The following VAC14 variants were observed in gnomAD, a reference collection of about 807,000 sequenced individuals.
The protein encoded by VAC14 is VAC14 component of PIKFYVE complex.
In VAC14, 47 loss-of-function variants were observed where a neutral mutation model predicts 85.3. That is an observed-to-expected ratio of 0.55 (90% CI 0.44 to 0.70). VAC14 has a LOEUF of 0.70. VAC14 is among the 30% of genes least tolerant of loss of function. The pLI is 0.00. For missense variants in VAC14, 861 were observed against 1,004.3 expected (o/e 0.86, Z 1.93); for synonymous variants, 447 against 430.5 (o/e 1.04, Z -0.47).
At chr16:70,790,586 C>G (rs576064707) in intron 1 of VAC14, among the ~76,000 whole-genome samples, 24 of 152,220 alleles carry the variant, frequency 1.6e-4, no homozygotes, top group Non-Finnish European at 2.2e-4. Flanking sequence ...AGGAAAGTGG[C>G]TCTGATGTCG....
intron 14 of VAC14, among the ~76,000 whole-genome samples, chr16:70,722,872 G>A (rs1362399018): frequency 6.6e-6 from 1 of 152,092 alleles, no homozygotes; most frequent in Non-Finnish European, 1.5e-5. Context: ...TTGAGCCCAG[G>A]AGTTCAAGAC....
chr16:70,695,122 T>G (rs1488193639), intron 17 of VAC14, among the ~76,000 whole-genome samples: 1 of 151,526 alleles, frequency 6.6e-6, no homozygotes, highest in Non-Finnish European at 1.5e-5. Context: ...TTTTTTTTTT[T>G]TTTTTCTGAG....
intron 14 of VAC14, among the ~76,000 whole-genome samples, chr16:70,719,731 G>C (rs113524214): frequency 6.6e-6 from 1 of 152,196 alleles, no homozygotes; most frequent in African/African-American, 2.4e-5. Context: ...CCAAGTGTTG[G>C]TGAGGACGTG....
Position 70,765,772 on chromosome 16 carries a change from C to A in VAC14, c.1161-2747G>T, listed in dbSNP as rs2032761119. 2.0e-5 allele frequency among the ~76,000 whole-genome samples: 3 copies of A among 152,272 alleles called. No individual in the cohort carries two copies. In the South Asian group the frequency reaches 6.2e-4, roughly 32 times the overall value. On this transcript the variant is annotated intron_variant, in intron 10 of 18. Coordinates refer to ENST00000261776, the MANE Select transcript of VAC14 (RefSeq NM_018052.5). ...GCTCCAGTGTGGACCAGCCCCTCTG[C>A]ACCCAGGGGATACCTGGCAGCTCCA...
intron 14 of VAC14, chr16:70,731,126 C>T (rs1356095808): frequency 6.9e-6 from 2 of 291,740 alleles, no homozygotes; most frequent in Non-Finnish European, 1.1e-5. Context: ...CTAAATCCCG[C>T]ACTGGGGGCT....
intron 1 of VAC14, among the ~76,000 whole-genome samples, chr16:70,789,818 C>A (rs1393859715): frequency 6.6e-6 from 1 of 152,188 alleles, no homozygotes; most frequent in African/African-American, 2.4e-5. Flanking sequence ...CCTCCCCACG[C>A]CTGCCCAGGA....
chr16:70,751,010 C>T (rs1292397616), intron 12 of VAC14, among the ~76,000 whole-genome samples: 1 of 152,298 alleles, frequency 6.6e-6, no homozygotes, highest in South Asian at 2.1e-4. Context: ...TCAGTCTCAA[C>T]TGAATAAATA....
intron 16 of VAC14, chr16:70,696,854 G>T (rs969896641): frequency 5.4e-6 from 2 of 368,324 alleles, no homozygotes; most frequent in African/African-American, 4.2e-5. Context: ...ATCACCCGCT[G>T]GCACCTGCCG....
At chr16:70,702,318 AAGCCTCCTCACG>A (rs755079000) in intron 14 of VAC14, among the ~76,000 whole-genome samples, 27 of 152,110 alleles carry the variant, frequency 1.8e-4, no homozygotes, top group Non-Finnish European at 3.4e-4. Flanking sequence ...TCTGGAGCAC[AAGCCTCCTCACG>A]AGGTGTCTCC....
In VAC14 at chr16:70,801,073, G is replaced by A. The variant is rs1317357920; in HGVS notation, c.-173C>T. ...GCCCTGGAACCCGGGCCCGGACCCC[G>A]CTCCAGCACACCTGACCCTGGCCGC... On this transcript the variant is annotated 5_prime_UTR_variant, in exon 1 of 19. Coordinates refer to ENST00000261776, the MANE Select transcript of VAC14 (RefSeq NM_018052.5). 2 of 478,980 alleles carry A rather than the reference G, an allele frequency of 4.2e-6. No individual in the cohort carries two copies. Among genetic ancestry groups the A allele is most frequent in the Admixed American group, 8.8e-5 (2 of 22,766 alleles). 29.7% of individuals were successfully genotyped at this position (478,980 alleles called of 1,614,324 possible).
At chr16:70,738,868 C>T (rs77723015) in intron 13 of VAC14, among the ~76,000 whole-genome samples, 2,692 of 152,290 alleles carry the variant, frequency 0.018, 76 homozygotes, top group African/African-American at 0.061. Flanking sequence ...CACTGGGCGA[C>T]GCTGAGGAGC....
At chr16:70,727,845 G>C (rs2054474951) in intron 14 of VAC14, among the ~76,000 whole-genome samples, 1 of 152,216 alleles carries the variant, frequency 6.6e-6, no homozygotes, top group Non-Finnish European at 1.5e-5. Flanking sequence ...TGGGTGGCTG[G>C]GCCTGCAACC....
At chr16:70,700,194 T>C (rs929847988) in intron 14 of VAC14, 1 of 151,884 alleles carries the variant, frequency 6.6e-6, no homozygotes, top group African/African-American at 2.4e-5. Context: ...CCCCAGAGCA[T>C]TTGGTAACAA....
chr16:70,775,815 T>C (rs771435880), intron 9 of VAC14, among the ~76,000 whole-genome samples: 3 of 152,254 alleles, frequency 2.0e-5, no homozygotes, highest in Non-Finnish European at 4.4e-5. Flanking sequence ...CTCAAATTAA[T>C]TTAGATTGTC....
intron 12 of VAC14, among the ~76,000 whole-genome samples, chr16:70,745,991 T>C (rs895070987): frequency 6.6e-6 from 1 of 152,214 alleles, no homozygotes; most frequent in East Asian, 1.9e-4. Flanking sequence ...GGGGTAATGG[T>C]TGCAAAAAGC....
rs559587698 is a variant in VAC14, at chr16:70,772,126, A to C, written c.1143T>G (p.Ser381Arg). The C allele has an allele frequency of 5.6e-6, 9 of 1,614,020 alleles. No homozygotes were observed. Among genetic ancestry groups the C allele is most frequent in the Non-Finnish European group, 7.6e-6 (9 of 1,180,046 alleles). ...CCACTTACCTGGCTGCAGTGAAGACACTGATGCCGCTACTGAAGCTGGAGT... is the reference window on the plus strand; with the variant it reads ...CCACTTACCTGGCTGCAGTGAAGACCCTGATGCCGCTACTGAAGCTGGAGT... ...SCDSSFSSGI[S>R]VFTAASTERA... The change falls in exon 10 of 19, where the codon AGT (serine) becomes AGG (arginine). Residue 381 changes from serine (S) to arginine (R), a missense_variant. Around this residue, in one of 3 missense-constraint regions of VAC14, gnomAD observed 629 missense variants for 703.1 expected, o/e 0.89. Coordinates refer to ENST00000261776, the MANE Select transcript of VAC14 (RefSeq NM_018052.5).
intron 14 of VAC14, among the ~76,000 whole-genome samples, chr16:70,709,977 C>A (rs773536077): frequency 5.9e-5 from 9 of 152,208 alleles, no homozygotes; most frequent in Non-Finnish European, 1.0e-4. Flanking sequence ...GGGCTTGAAC[C>A]CTCTAAGCAG....
intron 14 of VAC14, among the ~76,000 whole-genome samples, chr16:70,713,012 G>A (rs1345219025): frequency 6.6e-6 from 1 of 152,186 alleles, no homozygotes; most frequent in Non-Finnish European, 1.5e-5. Flanking sequence ...TTTTACAAAT[G>A]AGAGGATCAA....
chr16:70,723,806 C>T (rs7185537), intron 14 of VAC14, among the ~76,000 whole-genome samples: 16,581 of 152,274 alleles, frequency 0.11, 2,975 homozygotes, highest in African/African-American at 0.37. Context: ...AAGGGGCCAG[C>T]GTGAACCTGA....
Sources: gnomAD v4.1 joint callset for allele counts (sites outside exome capture counted in the v4.1 genomes callset) on GRCh38, gnomAD v4.1.1 for gene constraint, gnomAD v4.1.1 regional missense constraint, MANE v1.5 for transcripts, NCBI Gene and HGNC (gene_info 2026-07-23, HGNC 2026-07-21) for gene names.